Variants in KCNQ1 observed in about 807,000 individuals in gnomAD.
The protein encoded by KCNQ1 is potassium voltage-gated channel subfamily Q member 1.
Under a neutral mutation model 72.4 loss-of-function variants are expected in KCNQ1, and 49 were observed. The ratio of observed to expected loss-of-function variants is 0.68; its 90% confidence interval spans 0.54 to 0.86. KCNQ1 has a LOEUF of 0.86. KCNQ1 is among the 40% of genes least tolerant of loss of function. KCNQ1 has a pLI of 0.00. For synonymous variants in KCNQ1, 450 were observed against 412.6 expected (o/e 1.09, Z -1.10); for missense variants, 790 against 945.1 (o/e 0.84, Z 2.15).
chr11:2,674,687 C>A lies in KCNQ1; in HGVS notation c.1514+12606C>A, dbSNP rs565806460. 25 of 398,450 alleles carry A rather than the reference C, an allele frequency of 6.3e-5. No individual in the cohort carries two copies. In the East Asian group the frequency reaches 6.4e-4, roughly 10 times the overall value. The allele number at this position is 398,450 out of a possible 1,614,324, so 24.7% of individuals were successfully genotyped here. ...AAAATAATTTGAAAAGTTTGTTGAA[C>A]CTTAAACCTTTCCTGATGACTCCTT... On this transcript the variant is annotated intron_variant, in intron 11 of 15. Transcript: ENST00000155840. This position sits in a 1 kb window ranked among gnomAD's most constrained non-coding sequence, Gnocchi z 5.9.
At chr11:2,834,753 C>T (rs887156826) in intron 15 of KCNQ1, among the ~76,000 whole-genome samples, 1 of 152,176 alleles carries the variant, frequency 6.6e-6, no homozygotes, top group Non-Finnish European at 1.5e-5. Flanking sequence ...AGATGGGCCT[C>T]GAATGCCAGG....
At chr11:2,776,179 C>G (rs894412332) in intron 13 of KCNQ1, 125 bp downstream of exon 13, 1 of 809,770 alleles carries the variant, frequency 1.2e-6, no homozygotes, top group Non-Finnish European at 2.0e-6. Context: ...CTCAACCACC[C>G]CCTTCTCCTC....
At chr11:2,504,762 A>G (rs1847075852) in intron 1 of KCNQ1, among the ~76,000 whole-genome samples, 2 of 152,178 alleles carry the variant, frequency 1.3e-5, no homozygotes, top group African/African-American at 4.8e-5. Context: ...CTCTAAATAA[A>G]TAAGACGAAA....
At chr11:2,616,912 G>T in intron 10 of KCNQ1, 1 of 397,618 alleles carries the variant, frequency 2.5e-6, no homozygotes, top group South Asian at 1.3e-4. Flanking sequence ...TATTGTTCAA[G>T]TCCTCTCTTT....
At chr11:2,672,950 T>G in intron 11 of KCNQ1, 1 of 398,708 alleles carries the variant, frequency 2.5e-6, no homozygotes, top group East Asian at 3.6e-5. Flanking sequence ...TGGCAAGGAA[T>G]CATGAACCCC....
intron 2 of KCNQ1, among the ~76,000 whole-genome samples, chr11:2,530,735 G>A (rs1296533828): frequency 6.6e-6 from 1 of 152,224 alleles, no homozygotes; most frequent in Non-Finnish European, 1.5e-5. Context: ...GCGTGTACAT[G>A]TGTGAATGTG....
rs888176631 is a variant in KCNQ1 at position 2,795,235 on chromosome 11, A to C, written c.1794+17198A>C. ...GATGAGGTAGGAGTGGTGGCTATGA[A>C]CTGGAGGCCTTCGCCTCGGGCTGGA... On this transcript the variant is annotated intron_variant, in intron 15 of 15. Transcript: ENST00000155840. Among the ~76,000 whole-genome samples, 3 of 152,266 alleles carry C rather than the reference A, an allele frequency of 2.0e-5. No homozygotes were observed. The South Asian group carries it at 6.2e-4, about 32-fold the overall frequency.
intron 11 of KCNQ1, among the ~76,000 whole-genome samples, chr11:2,738,081 G>A (rs1386400793): frequency 1.3e-5 from 2 of 152,216 alleles, no homozygotes; most frequent in African/African-American, 4.8e-5. Context: ...CTGGCCCCAG[G>A]AGCCTGGGCC....
rs1849011958 is a variant in KCNQ1, at chr11:2,613,389, AATT to A, written c.1393+24539_1393+24541del. 1 of 398,368 alleles carries A rather than the reference AATT, an allele frequency of 2.5e-6. No homozygotes were observed. Among genetic ancestry groups the A allele is most frequent in the Admixed American group, 4.4e-5 (1 of 22,702 alleles). The allele number at this position is 398,368 out of a possible 1,614,324, so 24.7% of individuals were successfully genotyped here. ...GGTTGCTGTGATGTGGGTTGCCTCCAATTATTTGCCACTGAAATCCTTGTTGCT... is the reference window on the plus strand; with the variant it reads ...GGTTGCTGTGATGTGGGTTGCCTCCAATTTGCCACTGAAATCCTTGTTGCT... On this transcript the variant is annotated intron_variant, in intron 10 of 15. Coordinates refer to ENST00000155840, the MANE Select transcript of KCNQ1 (RefSeq NM_000218.3). This position sits in a 1 kb window ranked among gnomAD's most constrained non-coding sequence, Gnocchi z 4.8.
At chr11:2,461,463 A>G (rs768069637) in intron 1 of KCNQ1, 11 of 1,287,696 alleles carry the variant, frequency 8.5e-6, no homozygotes, top group Admixed American at 2.3e-5. Flanking sequence ...TGCAGCTTCC[A>G]TGGCCTGGGG....
At chr11:2,761,634 C>T (rs1248079339) in intron 11 of KCNQ1, among the ~76,000 whole-genome samples, 3 of 152,152 alleles carry the variant, frequency 2.0e-5, no homozygotes, top group Non-Finnish European at 4.4e-5. Context: ...TCCCAGGCCT[C>T]GCCCAAGACA....
intron 1 of KCNQ1, among the ~76,000 whole-genome samples, chr11:2,459,361 G>C (rs1037475496): frequency 4.6e-5 from 7 of 152,244 alleles, no homozygotes; most frequent in Admixed American, 3.3e-4. Context: ...AACAGGGGCA[G>C]GGGTGGGGGG....
intron 11 of KCNQ1, among the ~76,000 whole-genome samples, chr11:2,749,024 G>A (rs1430117875): frequency 1.3e-5 from 2 of 152,248 alleles, no homozygotes; most frequent in Non-Finnish European, 2.9e-5. Context: ...TGGTGGCTGT[G>A]TCCAGCAAGT....
rs188048180 is a variant in KCNQ1, at chr11:2,606,492, C to T, written c.1393+17638C>T. 9.9e-5 allele frequency among the ~76,000 whole-genome samples: 15 copies of T among 152,262 alleles called. No homozygotes were observed. In the East Asian group the frequency reaches 2.9e-3, roughly 29 times the overall value. On this transcript the variant is annotated intron_variant, in intron 10 of 15. Coordinates refer to ENST00000155840, the MANE Select transcript of KCNQ1 (RefSeq NM_000218.3). Reference sequence around the variant, plus strand: ...GCTGGTTGTTTAAAGAATCTGCTACCTCCCTCCACCTTGCTCCTGCTCTTG... The same window carrying T: ...GCTGGTTGTTTAAAGAATCTGCTACTTCCCTCCACCTTGCTCCTGCTCTTG...
In KCNQ1 at chr11:2,847,634, G is replaced by A. The variant is rs570662557; in HGVS notation, c.1795-133G>A. 7.0e-5 allele frequency: 57 copies of A among 810,792 alleles called. 1 individual carries two copies. In the African/African-American group the frequency reaches 7.1e-4, roughly 10 times the overall value. The allele number at this position is 810,792 out of a possible 1,614,324, so 50.2% of individuals were successfully genotyped here. On this transcript the variant is annotated intron_variant, in intron 15 of 15. Transcript: ENST00000155840. ...GACATAGGGTGCACACGTGCGTGCCGCCTGCATACAGCATGCACTTGCAGA... is the reference window on the plus strand; with the variant it reads ...GACATAGGGTGCACACGTGCGTGCCACCTGCATACAGCATGCACTTGCAGA...
chr11:2,500,360 A>C (rs528012231), intron 1 of KCNQ1, among the ~76,000 whole-genome samples: 164 of 152,364 alleles, frequency 1.1e-3, no homozygotes, highest in African/African-American at 3.6e-3. Flanking sequence ...GCGATCATTA[A>C]AAAATCAGGA....
At chr11:2,692,110 A>G (rs1002820909) in intron 11 of KCNQ1, 4 of 398,546 alleles carry the variant, frequency 1.0e-5, no homozygotes, top group Non-Finnish European at 1.8e-5. Context: ...CACAGCCTCC[A>G]TCATTTTATA....
intron 11 of KCNQ1, chr11:2,681,811 G>A (rs904932347): frequency 5.0e-6 from 2 of 398,390 alleles, no homozygotes; most frequent in Admixed American, 4.4e-5. Flanking sequence ...GCCTTCTCAG[G>A]TTATGGTCAT....
At position 2,624,251 on chromosome 11, in the gene KCNQ1, T is replaced by C; in HGVS notation, c.1393+35397T>C. On this transcript the variant is annotated intron_variant, in intron 10 of 15. Coordinates refer to ENST00000155840, the MANE Select transcript of KCNQ1 (RefSeq NM_000218.3). The surrounding 1 kb of genome is among the most constrained non-coding windows in gnomAD (Gnocchi z 4.9). ...GATGTCTGTTAAGGTCTTCAGTCCA[T>C]TTTGTAATCAGATTGTTTGTTTTCT... 1 of 398,614 alleles carries C rather than the reference T, an allele frequency of 2.5e-6. No homozygotes were observed. 24.7% of individuals were successfully genotyped at this position (398,614 alleles called of 1,614,324 possible). A position where few individuals can be genotyped will look rare whatever the true frequency, so the allele number is the denominator to read the frequency against.
Sources: allele counts gnomAD v4.1 joint callset (sites outside exome capture counted in the v4.1 genomes callset), GRCh38; gene constraint gnomAD v4.1.1; non-coding constraint Gnocchi (gnomAD v3.1); transcripts MANE v1.5; gene names NCBI Gene and HGNC (gene_info 2026-07-23, HGNC 2026-07-21).